Variants in ST6GALNAC3 observed in about 807,000 individuals in gnomAD.
ST6GALNAC3 encodes ST6 N-acetylgalactosaminide alpha-2,6-sialyltransferase 3.
A neutral mutation model predicts 32.7 loss-of-function variants in ST6GALNAC3; 25 were observed. That is an observed-to-expected ratio of 0.76 (90% CI 0.56 to 1.07). The LOEUF (loss-of-function observed/expected upper bound fraction) is 1.07, where lower values mean the gene tolerates loss of function less well. Ranked by LOEUF, ST6GALNAC3 falls within the 50% of genes least tolerant of loss-of-function variation. ST6GALNAC3 has a pLI of 0.00. For missense variants in ST6GALNAC3, 355 were observed against 382.4 expected (o/e 0.93, Z 0.60); for synonymous variants, 129 against 133.1 (o/e 0.97, Z 0.21).
Position 76,412,086 on chromosome 1 carries a change from A to G in ST6GALNAC3, c.292A>G (p.Ile98Val). 2 of 1,613,612 alleles carry G rather than the reference A, an allele frequency of 1.2e-6. No homozygotes were observed. Among genetic ancestry groups the G allele is most frequent in the Non-Finnish European group, 1.7e-6 (2 of 1,179,740 alleles). Residue 98 changes from isoleucine (I) to valine (V), a missense_variant, in exon 3 of 5, where the codon ATA (isoleucine) becomes GTA (valine). By Grantham distance (29) the Ile-to-Val change is conservative. Transcript: ENST00000328299. The part of the protein sequence containing the change: ...QMVGQKVGNE[I>V]DRSSCIWRMN... ...GGTTGGCCAGAAGGTGGGAAATGAGATAGATCGATCCTCCTGCATTTGGAG... is the reference window on the plus strand; with the variant it reads ...GGTTGGCCAGAAGGTGGGAAATGAGGTAGATCGATCCTCCTGCATTTGGAG...
At chr1:76,132,077 G>A (rs1649645015) in intron 1 of ST6GALNAC3, among the ~76,000 whole-genome samples, 1 of 152,132 alleles carries the variant, frequency 6.6e-6, no homozygotes, top group African/African-American at 2.4e-5. Flanking sequence ...TAATCACTAA[G>A]CAACAGTGTC....
chr1:76,403,803 A>G (rs1653609897), intron 2 of ST6GALNAC3, among the ~76,000 whole-genome samples: 1 of 152,110 alleles, frequency 6.6e-6, no homozygotes, highest in Non-Finnish European at 1.5e-5. Flanking sequence ...AGAAAAAAAT[A>G]ATCAAGAGGT....
chr1:76,222,887 A>G (rs1444510447), intron 1 of ST6GALNAC3, among the ~76,000 whole-genome samples: 1 of 152,176 alleles, frequency 6.6e-6, no homozygotes, highest in African/African-American at 2.4e-5. Context: ...CTATTACTAA[A>G]AAGCCAAAAA....
chr1:76,317,783 G>A (rs557770462), intron 2 of ST6GALNAC3, among the ~76,000 whole-genome samples: 1 of 152,088 alleles, frequency 6.6e-6, no homozygotes, highest in Non-Finnish European at 1.5e-5. Context: ...GAGCTGAAAT[G>A]ATTACAAGAA....
intron 1 of ST6GALNAC3, among the ~76,000 whole-genome samples, chr1:76,153,056 TCTC>T (rs1165728697): frequency 6.6e-6 from 1 of 152,198 alleles, no homozygotes; most frequent in African/African-American, 2.4e-5. Flanking sequence ...ATACAACTGG[TCTC>T]CAGAAGTGGG....
intron 2 of ST6GALNAC3, among the ~76,000 whole-genome samples, chr1:76,315,158 T>A (rs564984079): frequency 6.6e-6 from 1 of 152,244 alleles, no homozygotes; most frequent in African/African-American, 2.4e-5. Flanking sequence ...TTTAAATTAA[T>A]TTTTTTACAG....
chr1:76,572,160 G>A (rs1024376184), intron 3 of ST6GALNAC3, among the ~76,000 whole-genome samples: 3 of 151,826 alleles, frequency 2.0e-5, no homozygotes, highest in Non-Finnish European at 4.4e-5. Flanking sequence ...GGCAAATGGG[G>A]GAATGATTGG....
In ST6GALNAC3 at chr1:76,218,999, G is replaced by C. The variant is rs192746562; in HGVS notation, c.19-94806G>C. On this transcript the variant is annotated intron_variant, in intron 1 of 4. Coordinates refer to ENST00000328299, the MANE Select transcript of ST6GALNAC3 (RefSeq NM_152996.4). The stretch of plus-strand genomic sequence containing the variant: ...TAGGTAGTATTATCCCCATTTTATG[G>C]CTAAGGAAACTGCCTTGAGATTTTA... 4.2e-3 allele frequency among the ~76,000 whole-genome samples: 643 copies of C among 152,230 alleles called. 2 individuals are homozygous for C. Among genetic ancestry groups the C allele is most frequent in the Non-Finnish European group, 7.0e-3 (473 of 68,000 alleles).
intron 3 of ST6GALNAC3, among the ~76,000 whole-genome samples, chr1:76,478,406 C>T (rs1659492144): frequency 6.6e-6 from 1 of 152,134 alleles, no homozygotes; most frequent in South Asian, 2.1e-4. Flanking sequence ...GGAGTTCCTC[C>T]TGGTTTGTTT....
At chr1:76,544,254 G>T (rs934851644) in intron 3 of ST6GALNAC3, among the ~76,000 whole-genome samples, 1 of 151,982 alleles carries the variant, frequency 6.6e-6, no homozygotes, top group African/African-American at 2.4e-5. Flanking sequence ...GACTATGCAG[G>T]CCATGGTAAG....
chr1:76,097,914 A>G (rs1180036929), intron 1 of ST6GALNAC3, among the ~76,000 whole-genome samples: 1 of 152,144 alleles, frequency 6.6e-6, no homozygotes, highest in Non-Finnish European at 1.5e-5. Context: ...TAGTAGTATA[A>G]AAAGGTTTTG....
chr1:76,536,923 G>A (rs1000269100), intron 3 of ST6GALNAC3, among the ~76,000 whole-genome samples: 1 of 152,150 alleles, frequency 6.6e-6, no homozygotes, highest in Non-Finnish European at 1.5e-5. Flanking sequence ...ATATTAGACA[G>A]ATCAACGAGT....
chr1:76,487,065 C>G (rs1049172409), intron 3 of ST6GALNAC3, among the ~76,000 whole-genome samples: 2 of 152,194 alleles, frequency 1.3e-5, no homozygotes, highest in African/African-American at 4.8e-5. Flanking sequence ...CTACTCTCTT[C>G]TGGCTTGTAG....
At chr1:76,498,181 G>C (rs539990404) in intron 3 of ST6GALNAC3, among the ~76,000 whole-genome samples, 1 of 152,210 alleles carries the variant, frequency 6.6e-6, no homozygotes, top group Admixed American at 6.5e-5. Flanking sequence ...TTTGCACCTG[G>C]TGGCCAAGTC....
intron 2 of ST6GALNAC3, among the ~76,000 whole-genome samples, chr1:76,377,510 A>G (rs537920850): frequency 5.3e-5 from 8 of 152,158 alleles, no homozygotes; most frequent in African/African-American, 1.9e-4. Flanking sequence ...CAAATAACCA[A>G]ATCTTGTGAG....
At chr1:76,404,924 A>G (rs1270128186) in intron 2 of ST6GALNAC3, among the ~76,000 whole-genome samples, 2 of 152,140 alleles carry the variant, frequency 1.3e-5, no homozygotes, top group African/African-American at 2.4e-5. Context: ...TGCTGGTTCA[A>G]TTGAAATGAT....
chr1:76,193,660 CTG>C (rs1467421297), intron 1 of ST6GALNAC3, among the ~76,000 whole-genome samples: 1 of 152,142 alleles, frequency 6.6e-6, no homozygotes, highest in African/African-American at 2.4e-5. Flanking sequence ...ACTGGGCTAA[CTG>C]TGTTACTCAT....
At chr1:76,452,277 T>C (rs574247113) in intron 3 of ST6GALNAC3, among the ~76,000 whole-genome samples, 1 of 152,150 alleles carries the variant, frequency 6.6e-6, no homozygotes, top group South Asian at 2.1e-4. Flanking sequence ...CCACGTAAGA[T>C]GTGACTTGCT....
At chr1:76,165,733 C>T (rs1422981583) in intron 1 of ST6GALNAC3, among the ~76,000 whole-genome samples, 1 of 152,150 alleles carries the variant, frequency 6.6e-6, no homozygotes, top group Non-Finnish European at 1.5e-5. Context: ...GATGGCATCT[C>T]ATTGTGGTTT....
Sources: allele counts gnomAD v4.1 joint callset (sites outside exome capture counted in the v4.1 genomes callset), GRCh38; gene constraint gnomAD v4.1.1; transcripts MANE v1.5; gene names NCBI Gene and HGNC (gene_info 2026-07-23, HGNC 2026-07-21).